Variants in PYROXD1 observed in about 807,000 individuals in gnomAD.
The protein encoded by PYROXD1 is tRNA ligase complex-associated NAD(P)H dehydrogenase PYROXD1.
PYROXD1 carries 42 observed loss-of-function variants against 62.0 expected under a neutral mutation model. That is an observed-to-expected ratio of 0.68 (90% confidence interval 0.53 to 0.88). The LOEUF (loss-of-function observed/expected upper bound fraction) is 0.88. PYROXD1 is among the 40% of genes least tolerant of loss of function. The pLI, the probability that PYROXD1 is intolerant of heterozygous loss-of-function variation, is 0.00. For synonymous variants in PYROXD1, 170 were observed against 206.4 expected (o/e 0.82, Z 1.51); for missense variants, 493 against 604.8 (o/e 0.82, Z 1.94).
chr12:21,470,073 A>G lies in PYROXD1; in HGVS notation c.*1319A>G, dbSNP rs570520889. 4 of 687,334 alleles carry G rather than the reference A, an allele frequency of 5.8e-6. No homozygotes were observed. The highest frequency in any genetic ancestry group is 9.3e-6 in the Non-Finnish European group (4 of 430,016). The allele number at this position is 687,334 out of a possible 1,614,324, so 42.6% of individuals were successfully genotyped here. Reference sequence around the variant, plus strand: ...AGATCTTCAGAGATAAGCTCTGAAAATATAGATCCATACATATAAAATATC... The same window carrying G: ...AGATCTTCAGAGATAAGCTCTGAAAGTATAGATCCATACATATAAAATATC... On this transcript the variant is annotated 3_prime_UTR_variant, in exon 12 of 12. Transcript: ENST00000240651.
intron 7 of PYROXD1, among the ~76,000 whole-genome samples, 162 bp downstream of exon 7, chr12:21,456,257 G>A (rs576326802): frequency 6.6e-6 from 1 of 152,184 alleles, no homozygotes; most frequent in South Asian, 2.1e-4. Flanking sequence ...GGTCCATTTG[G>A]CCACCAAAGA....
chr12:21,462,853 C>G lies in PYROXD1; in HGVS notation c.1107C>G (p.Val369=). ...ICTTSWQLSP[V]WQQMRLWTQA... is the part of the protein sequence containing the mutation. ...CTACATCCTGGCAGCTGAGCCCAGTCTGGCAGCAGGTAAGCTAGCATATAT... is the reference window on the plus strand; with the variant it reads ...CTACATCCTGGCAGCTGAGCCCAGTGTGGCAGCAGGTAAGCTAGCATATAT... The change falls in exon 10 of 12, where the codon GTC becomes GTG. Residue 369 remains valine, a synonymous_variant. Coordinates refer to ENST00000240651, the MANE Select transcript of PYROXD1 (RefSeq NM_024854.5). 1 of 1,613,620 alleles carries G rather than the reference C, an allele frequency of 6.2e-7. No individual in the cohort carries two copies.
In PYROXD1 at chr12:21,470,866, T is replaced by C. The variant is rs1942933469; in HGVS notation, c.*2112T>C. On this transcript the variant is annotated 3_prime_UTR_variant, in exon 12 of 12. Transcript: ENST00000240651. ...AGAAATCTAATCAGAAAACTGACTT[T>C]TCTCATGTTCAACTGGACCTAGGGG... The C allele has an allele frequency of 2.5e-6, 2 of 802,518 alleles. No individual in the cohort carries two copies. Among genetic ancestry groups the C allele is most frequent in the Non-Finnish European group, 3.4e-6 (2 of 579,984 alleles). The allele number at this position is 802,518 out of a possible 1,614,324, so 49.7% of individuals were successfully genotyped here. A position where few individuals can be genotyped will look rare whatever the true frequency, so the allele number is the denominator to read the frequency against.
rs375720872 is a variant in PYROXD1 at position 21,469,962 on chromosome 12, G to C, written c.*1208G>C. 1.5e-4 allele frequency: 64 copies of C among 438,372 alleles called. No homozygotes were observed. In the South Asian group the frequency reaches 1.9e-3, roughly 13 times the overall value. 27.2% of individuals were successfully genotyped at this position (438,372 alleles called of 1,614,324 possible). On this transcript the variant is annotated 3_prime_UTR_variant, in exon 12 of 12. Coordinates refer to ENST00000240651, the MANE Select transcript of PYROXD1 (RefSeq NM_024854.5). ...ATTCTCAAATATTTTACATTTAAAG[G>C]GTTTTACATAAAAATTTTTCCCTTG... is the stretch of plus-strand genomic sequence containing the variant.
chr12:21,445,575 A>C, intron 3 of PYROXD1, 109 bp downstream of exon 3: 1 of 1,142,120 alleles, frequency 8.8e-7, no homozygotes, highest in Non-Finnish European at 1.2e-6. Context: ...AGTTTTTAAC[A>C]TGTAAAGTTT....
intron 2 of PYROXD1, among the ~76,000 whole-genome samples, chr12:21,444,684 T>G (rs1942354834): frequency 6.6e-6 from 1 of 151,682 alleles, no homozygotes; most frequent in South Asian, 2.1e-4. Context: ...ACCAAAAGGT[T>G]TGAGAACTGT....
At chr12:21,453,133 A>G (rs1404790800) in intron 5 of PYROXD1, among the ~76,000 whole-genome samples, 1 of 152,070 alleles carries the variant, frequency 6.6e-6, no homozygotes, top group African/African-American at 2.4e-5. Flanking sequence ...TGTATAGTAT[A>G]TACATGCCAG....
chr12:21,440,664 G>A (rs1438463823), intron 2 of PYROXD1, among the ~76,000 whole-genome samples: 1 of 127,718 alleles, frequency 7.8e-6, no homozygotes, highest in Non-Finnish European at 1.8e-5. Context: ...ATTTCTTTCT[G>A]TCACCTAATT....
intron 10 of PYROXD1, among the ~76,000 whole-genome samples, chr12:21,466,650 T>G (rs1942800138): frequency 6.6e-6 from 1 of 152,184 alleles, no homozygotes; most frequent in South Asian, 2.1e-4. Context: ...TGAATGCCCT[T>G]TATTCCCTTC....
intron 5 of PYROXD1, among the ~76,000 whole-genome samples, chr12:21,452,935 C>T (rs1222496485): frequency 1.3e-4 from 20 of 152,046 alleles, no homozygotes; most frequent in Admixed American, 1.0e-3. Context: ...CCTCTTTTAG[C>T]GGATGATCTC....
At chr12:21,448,199 A>G in intron 3 of PYROXD1, 3 of 608,108 alleles carry the variant, frequency 4.9e-6, no homozygotes, top group Non-Finnish European at 9.4e-6. Context: ...CACAGCCACC[A>G]TAGGTTTTCT....
At chr12:21,463,010 ACT>A in intron 10 of PYROXD1, 148 bp downstream of exon 10, 1 of 670,610 alleles carries the variant, frequency 1.5e-6, no homozygotes, top group Non-Finnish European at 2.3e-6. Flanking sequence ...TAAAAAAAAA[ACT>A]AGAATATTTC....
intron 10 of PYROXD1, among the ~76,000 whole-genome samples, chr12:21,465,942 C>G (rs1270263561): frequency 3.9e-5 from 6 of 152,090 alleles, no homozygotes; most frequent in East Asian, 1.9e-4. Flanking sequence ...CCCATTTCTT[C>G]TTTTTGTCAG....
In PYROXD1 at chr12:21,471,001, G is replaced by C. The variant is rs753139296; in HGVS notation, c.*2247G>C. 13 of 1,567,908 alleles carry C rather than the reference G, an allele frequency of 8.3e-6. No individual in the cohort carries two copies. In the African/African-American group the frequency reaches 1.5e-4, roughly 19 times the overall value. The stretch of plus-strand genomic sequence containing the variant: ...GAGTTCTGCGTGGACTTTGTCACTT[G>C]CATAGTAATAGCATGTGCCTCATTG... On this transcript the variant is annotated 3_prime_UTR_variant, in exon 12 of 12. Transcript: ENST00000240651.
chr12:21,452,028 G>T, intron 4 of PYROXD1, 53 bp from the exon 5 acceptor site: 1 of 1,055,658 alleles, frequency 9.5e-7, no homozygotes, highest in Non-Finnish European at 1.4e-6. Flanking sequence ...TCATATTTCA[G>T]ATTATTGCCC....
intron 3 of PYROXD1, among the ~76,000 whole-genome samples, chr12:21,446,511 A>G (rs993631267): frequency 6.8e-5 from 10 of 147,708 alleles, no homozygotes; most frequent in Non-Finnish European, 1.0e-4. Flanking sequence ...GATAAAATAG[A>G]TTTTTTTTTT....
chr12:21,467,446 A>C, intron 10 of PYROXD1, 35 bp from the exon 11 acceptor site: 1 of 1,566,732 alleles, frequency 6.4e-7, no homozygotes, highest in Non-Finnish European at 8.7e-7. Flanking sequence ...TGATCATGAA[A>C]AATGACATTG....
chr12:21,456,520 C>T, intron 7 of PYROXD1, among the ~76,000 whole-genome samples: 1 of 152,152 alleles, frequency 6.6e-6, no homozygotes, highest in Non-Finnish European at 1.5e-5. Context: ...ATACAATGCA[C>T]ATAACGTTAA....
chr12:21,468,467 T>C, intron 11 of PYROXD1, 39 bp from the exon 12 acceptor site: 1 of 1,566,814 alleles, frequency 6.4e-7, no homozygotes, highest in Non-Finnish European at 8.7e-7. Context: ...ATTTTCTTTA[T>C]GATACTCATG....
Sources: gnomAD v4.1 joint callset for allele counts (sites outside exome capture counted in the v4.1 genomes callset) on GRCh38, gnomAD v4.1.1 for gene constraint, MANE v1.5 for transcripts, NCBI Gene and HGNC (gene_info 2026-07-23, HGNC 2026-07-21) for gene names.